The following CRLS1 variants were observed in gnomAD, a reference collection of about 807,000 sequenced individuals.
CRLS1 encodes the protein cardiolipin synthase (CMP-forming).
A neutral mutation model predicts 37.0 loss-of-function variants in CRLS1; 24 were observed. The observed-to-expected ratio is 0.65, with a 90% CI of 0.47 to 0.91. The LOEUF is 0.91. CRLS1 is among the 40% of genes least tolerant of loss of function. The pLI is 0.00. For missense variants in CRLS1, 373 were observed against 395.8 expected (o/e 0.94, Z 0.49); for synonymous variants, 135 against 159.7 (o/e 0.85, Z 1.17).
chr20:6,011,331 A>G (rs1260539722), intron 2 of CRLS1, among the ~76,000 whole-genome samples: 4 of 152,250 alleles, frequency 2.6e-5, no homozygotes, highest in South Asian at 2.1e-4. Context: ...TTCGAGGTTC[A>G]TAGAAACAAA....
chr20:6,009,823 G>A lies in CRLS1; in HGVS notation c.355G>A (p.Gly119Ser), dbSNP rs897560876. The change falls in exon 2 of 7, where the codon GGC becomes AGC. Residue 119 changes from glycine (G) to serine (S), a missense_variant. Physicochemically the swap from Gly to Ser is moderately conservative, Grantham distance 56. Transcript: ENST00000378863. Reference sequence around the variant, plus strand: ...GAATATGTTGTCAATGACGAGAATTGGCTTGGCCCCAGTTCTGGGCTATTT... The same window carrying A: ...GAATATGTTGTCAATGACGAGAATTAGCTTGGCCCCAGTTCTGGGCTATTT... ...IPNMLSMTRI[G>S]LAPVLGYLII... 2.5e-6 allele frequency: 4 copies of A among 1,613,902 alleles called. No individual in the cohort carries two copies. Among genetic ancestry groups the A allele is most frequent in the Admixed American group, 3.3e-5 (2 of 59,996 alleles).
intron 2 of CRLS1, 23 bp from the exon 3 acceptor site, chr20:6,015,338 T>TAA: frequency 3.4e-6 from 5 of 1,470,380 alleles, no homozygotes; most frequent in Non-Finnish European, 4.6e-6. Flanking sequence ...TTTATATATA[T>TAA]AAAAAAAAAC....
chr20:6,012,217 A>T (rs1978376862), intron 2 of CRLS1, among the ~76,000 whole-genome samples: 1 of 152,074 alleles, frequency 6.6e-6, no homozygotes, highest in Non-Finnish European at 1.5e-5. Flanking sequence ...AGGTGGTCGG[A>T]CTCATCAGTT....
At chr20:6,031,063 A>G in intron 3 of CRLS1, 2 of 412,986 alleles carry the variant, frequency 4.8e-6, no homozygotes, top group South Asian at 6.2e-5. Flanking sequence ...CTTCAAAGCC[A>G]TAGTCTGTAC....
chr20:6,035,793 T>C (rs1212678271), intron 6 of CRLS1, among the ~76,000 whole-genome samples: 1 of 151,822 alleles, frequency 6.6e-6, no homozygotes, highest in East Asian at 1.9e-4. Flanking sequence ...CCTGGCTATT[T>C]TTTTTTAATT....
chr20:6,016,617 A>T (rs948319868), intron 3 of CRLS1, among the ~76,000 whole-genome samples: 4 of 152,200 alleles, frequency 2.6e-5, no homozygotes, highest in African/African-American at 4.8e-5. Flanking sequence ...ATTTTGATGT[A>T]GTATTTTACA....
chr20:6,009,604 T>C (rs1256539589), intron 1 of CRLS1, among the ~76,000 whole-genome samples, 171 bp from the exon 2 acceptor site: 1 of 152,232 alleles, frequency 6.6e-6, no homozygotes, highest in Non-Finnish European at 1.5e-5. Context: ...TAGGGAGATA[T>C]CTGTAAAAAG....
intron 5 of CRLS1, among the ~76,000 whole-genome samples, chr20:6,032,984 G>A (rs1023396095): frequency 1.3e-5 from 2 of 152,032 alleles, no homozygotes; most frequent in African/African-American, 4.8e-5. Flanking sequence ...ATGGCAATTT[G>A]AGTGTAGCGT....
chr20:6,007,435 T>G (rs1413432656), intron 1 of CRLS1: 1 of 1,610,738 alleles, frequency 6.2e-7, no homozygotes, highest in African/African-American at 1.3e-5. Flanking sequence ...TAATCTGAGA[T>G]TAGCTCTCCT....
intron 3 of CRLS1, among the ~76,000 whole-genome samples, chr20:6,016,666 G>A (rs1232262322): frequency 6.6e-6 from 1 of 152,166 alleles, no homozygotes; most frequent in Non-Finnish European, 1.5e-5. Flanking sequence ...CATAGAAATT[G>A]TTTCCAGGTT....
chr20:6,023,727 G>T (rs1600374808), intron 3 of CRLS1, among the ~76,000 whole-genome samples: 1 of 145,042 alleles, frequency 6.9e-6, no homozygotes. Context: ...AATTTTTCAA[G>T]AGCTCATGTT....
intron 5 of CRLS1, 91 bp from the exon 6 acceptor site, chr20:6,034,373 T>C (rs1441165838): frequency 1.2e-6 from 1 of 809,230 alleles, no homozygotes; most frequent in Non-Finnish European, 2.1e-6. Flanking sequence ...TATGTCATGT[T>C]ATAGTGTGAT....
At chr20:6,011,947 G>A (rs556529969) in intron 2 of CRLS1, among the ~76,000 whole-genome samples, 1 of 151,296 alleles carries the variant, frequency 6.6e-6, no homozygotes, top group East Asian at 1.9e-4. Context: ...TCTGTCAAAG[G>A]CCATTATACT....
chr20:6,011,228 T>C (rs1270973310), intron 2 of CRLS1, among the ~76,000 whole-genome samples: 1 of 152,136 alleles, frequency 6.6e-6, no homozygotes, highest in Non-Finnish European at 1.5e-5. Flanking sequence ...TTGAAAAGCT[T>C]TGCTCAATAT....
intron 1 of CRLS1, chr20:6,007,480 T>C: frequency 6.8e-7 from 1 of 1,475,394 alleles, no homozygotes; most frequent in Non-Finnish European, 9.4e-7. Flanking sequence ...GATTTAATGA[T>C]TACAAATTAA....
At chr20:6,012,469 A>G (rs983216109) in intron 2 of CRLS1, among the ~76,000 whole-genome samples, 3 of 152,132 alleles carry the variant, frequency 2.0e-5, no homozygotes, top group Non-Finnish European at 4.4e-5. Flanking sequence ...GACAGAAGTA[A>G]TATGTGGATG....
At chr20:6,006,086 C>T, upstream of CRLS1, 1 of 393,544 alleles carries the variant, frequency 2.5e-6, no homozygotes, top group Non-Finnish European at 4.3e-6. Context: ...GGCTTCCTGC[C>T]ACCTGTATAA....
chr20:6,018,395 T>C (rs906470949), intron 3 of CRLS1, among the ~76,000 whole-genome samples: 2 of 152,202 alleles, frequency 1.3e-5, no homozygotes, highest in East Asian at 1.9e-4. Flanking sequence ...ATGTAATTAA[T>C]GACAACGTAT....
intron 3 of CRLS1, among the ~76,000 whole-genome samples, chr20:6,016,788 CT>C (rs1978790419): frequency 6.6e-6 from 1 of 152,044 alleles, no homozygotes; most frequent in African/African-American, 2.4e-5. Flanking sequence ...CATTTTCTTT[CT>C]TCTGTGTTGA....
Sources: gnomAD v4.1 joint callset for allele counts (sites outside exome capture counted in the v4.1 genomes callset) on GRCh38, gnomAD v4.1.1 for gene constraint, MANE v1.5 for transcripts, NCBI Gene and HGNC (gene_info 2026-07-23, HGNC 2026-07-21) for gene names.